The following WNT2B variants were observed in gnomAD, a reference collection of about 807,000 sequenced individuals.
WNT2B encodes protein Wnt-2b.
A neutral mutation model predicts 40.5 loss-of-function variants in WNT2B; 19 were observed. That is an observed-to-expected ratio of 0.47 (90% CI 0.33 to 0.69). WNT2B has a LOEUF of 0.69. Among genes scored for constraint, WNT2B ranks in the 30% least tolerant of loss-of-function variants. The pLI is 0.02. For missense variants in WNT2B, 467 were observed against 556.4 expected, an observed-to-expected ratio of 0.84 and a Z score of 1.62; for synonymous variants, 220 against 211.9, an observed-to-expected ratio of 1.04 and a Z score of -0.33.
At chr1:112,479,099 T>A (rs1651139240) in intron 1 of WNT2B, among the ~76,000 whole-genome samples, 2 of 151,934 alleles carry the variant, frequency 1.3e-5, no homozygotes, top group Admixed American at 1.3e-4. Flanking sequence ...TACATGCCTG[T>A]AATCCCAGCT....
At chr1:112,473,801 A>G (rs576324489) in intron 1 of WNT2B, among the ~76,000 whole-genome samples, 54 of 152,178 alleles carry the variant, frequency 3.5e-4, no homozygotes, top group African/African-American at 1.3e-3. Context: ...TCATGCCTGT[A>G]ATCCCAGCAC....
rs1313256176 is a variant in WNT2B at position 112,527,039 on chromosome 1, G to T, written c.*6530G>T. 6.6e-6 allele frequency: 1 copy of T among 152,218 alleles called. No homozygotes were observed. Among genetic ancestry groups the T allele is most frequent in the Non-Finnish European group, 1.5e-5 (1 of 68,060 alleles). The allele number at this position is 152,218 out of a possible 1,614,324, so 9.4% of individuals were successfully genotyped here. A position where few individuals can be genotyped will look rare whatever the true frequency, so the allele number is the denominator to read the frequency against. On this transcript the variant is annotated 3_prime_UTR_variant, in exon 5 of 5. Transcript: ENST00000369684. ...CACTTGCTGCTCTCAACCCCTCTTTGTTTTCCCATCCAAAATCTGGACCTC... is the reference window on the plus strand; with the variant it reads ...CACTTGCTGCTCTCAACCCCTCTTTTTTTTCCCATCCAAAATCTGGACCTC...
intron 1 of WNT2B, among the ~76,000 whole-genome samples, chr1:112,485,498 G>T (rs920827587): frequency 6.6e-6 from 1 of 150,762 alleles, no homozygotes; most frequent in Non-Finnish European, 1.5e-5. Context: ...TGAAGACTAC[G>T]TTTTATTGGA....
At chr1:112,488,440 T>A (rs1280161430) in intron 1 of WNT2B, among the ~76,000 whole-genome samples, 4 of 13,766 alleles carry the variant, frequency 2.9e-4, no homozygotes, top group Non-Finnish European at 1.3e-3. Flanking sequence ...AGATTGGCCT[T>A]CTTCCTTACC....
At chr1:112,501,050 T>A (rs541051956) in intron 1 of WNT2B, among the ~76,000 whole-genome samples, 2 of 152,322 alleles carry the variant, frequency 1.3e-5, no homozygotes, top group African/African-American at 4.8e-5. Flanking sequence ...ACTTGTCGTG[T>A]CTCCTTAGGC....
intron 1 of WNT2B, among the ~76,000 whole-genome samples, chr1:112,488,443 TCCTTACCTG>T (rs1293938978): frequency 6.6e-6 from 1 of 151,936 alleles, no homozygotes; most frequent in African/African-American, 2.4e-5. Context: ...TTGGCCTTCT[TCCTTACCTG>T]CCTTACCTGC....
chr1:112,479,797 G>T (rs139488818), intron 1 of WNT2B, among the ~76,000 whole-genome samples: 8,709 of 151,856 alleles, frequency 0.057, 291 homozygotes, highest in Middle Eastern at 0.075. Flanking sequence ...TGCAAGCTCT[G>T]CCTCCTGGGT....
At chr1:112,506,387 G>A (rs899320141), upstream of WNT2B, among the ~76,000 whole-genome samples, 1 of 152,200 alleles carries the variant, frequency 6.6e-6, no homozygotes, top group Non-Finnish European at 1.5e-5. Flanking sequence ...CCAAAGAAGG[G>A]GCCTCAGAAG....
chr1:112,502,729 AG>A lies in WNT2B; in HGVS notation c.-94-12140del, dbSNP rs563380837. On this transcript the variant is annotated intron_variant, in intron 1 of 4. Transcript: ENST00000256640. ...ATAACACAGGGGTTAGGAGAGGAGG[AG>A]GGGGTGGGTTCTGGGTTTTTCAGGA... 8.7e-4 allele frequency among the ~76,000 whole-genome samples: 133 copies of A among 152,004 alleles called. 1 individual carries two copies. Among genetic ancestry groups the A allele is most frequent in the Admixed American group, 7.5e-3 (114 of 15,272 alleles).
chr1:112,482,442 C>T (rs114089119), intron 1 of WNT2B, among the ~76,000 whole-genome samples: 225 of 152,302 alleles, frequency 1.5e-3, no homozygotes, highest in African/African-American at 5.1e-3. Context: ...CTCAAGCAAT[C>T]GTCCTGCCTC....
chr1:112,515,222 G>A lies in WNT2B; in HGVS notation c.403+128G>A. 4.4e-6 allele frequency: 5 copies of A among 1,146,880 alleles called. No individual in the cohort carries two copies. Among genetic ancestry groups the A allele is most frequent in the South Asian group, 2.9e-5 (2 of 68,292 alleles). 71.0% of individuals were successfully genotyped at this position (1,146,880 alleles called of 1,614,324 possible). ...TTTCATCATCAGAGAAAGAACTGTG[G>A]GCAGAGCCCAGGATATAATTGGGAA... is the stretch of plus-strand genomic sequence containing the variant. On this transcript the variant is annotated intron_variant, in intron 2 of 4. Coordinates refer to ENST00000369684, the MANE Select transcript of WNT2B (RefSeq NM_024494.3). This position sits in a 1 kb window ranked among gnomAD's most constrained non-coding sequence, Gnocchi z 4.4.
chr1:112,472,769 G>C (rs560220085), intron 1 of WNT2B, among the ~76,000 whole-genome samples: 3 of 151,802 alleles, frequency 2.0e-5, no homozygotes, highest in Admixed American at 2.0e-4. Context: ...ATTACTTCAG[G>C]GTGGGCAACA....
intron 4 of WNT2B, among the ~76,000 whole-genome samples, chr1:112,519,296 T>C (rs1349021464): frequency 1.3e-5 from 2 of 152,214 alleles, no homozygotes; most frequent in Non-Finnish European, 2.9e-5. Flanking sequence ...TATTTTAAAT[T>C]GATGAGATAA....
chr1:112,515,942 T>G lies in WNT2B; in HGVS notation c.404-198T>G, dbSNP rs964697738. 3.9e-5 allele frequency among the ~76,000 whole-genome samples: 6 copies of G among 151,948 alleles called. No individual in the cohort carries two copies. Among genetic ancestry groups the G allele is most frequent in the Non-Finnish European group, 8.8e-5 (6 of 67,982 alleles). On this transcript the variant is annotated intron_variant, in intron 2 of 4. Transcript: ENST00000369684. This position sits in a 1 kb window ranked among gnomAD's most constrained non-coding sequence, Gnocchi z 4.4. ...ATACAAAGAAGTGGATAGAGAGTAG[T>G]GAGGGCTGAGGGGAAGAGGTCAGAT...
rs1274210896 is a variant in WNT2B, at chr1:112,484,298, C to CACAT, written c.-95+16708_-95+16709insCATA. On this transcript the variant is annotated intron_variant, in intron 1 of 4. Transcript: ENST00000256640. Reference sequence around the variant, plus strand: ...ATATATATATATATATATACACACACATATATATAGAGAGAGAGAGAGAGA... The same window carrying CACAT: ...ATATATATATATATATATACACACACACATATATATATAGAGAGAGAGAGAGAGA... Among the ~76,000 whole-genome samples, 1,120 of 116,228 alleles carry CACAT rather than the reference C, an allele frequency of 9.6e-3. 19 individuals are homozygous for CACAT. Among genetic ancestry groups the CACAT allele is most frequent in the African/African-American group, 0.042 (1,063 of 25,110 alleles). 76.3% of individuals were successfully genotyped at this position (116,228 alleles called of 152,430 possible).
At chr1:112,469,379 G>A (rs1650802403) in intron 1 of WNT2B, among the ~76,000 whole-genome samples, 1 of 152,094 alleles carries the variant, frequency 6.6e-6, no homozygotes, top group Non-Finnish European at 1.5e-5. Context: ...AATGACATTG[G>A]TATTTTGATG....
chr1:112,509,665 T>A lies in WNT2B; in HGVS notation c.182+221T>A, dbSNP rs1419159040. On this transcript the variant is annotated intron_variant, in intron 1 of 4. Coordinates refer to ENST00000369684, the MANE Select transcript of WNT2B (RefSeq NM_024494.3). The surrounding 1 kb of genome is among the most constrained non-coding windows in gnomAD (Gnocchi z 4.2). Reference sequence around the variant, plus strand: ...AGGCGCTGGGCATTCGGAGCAAGGATGCCCGGTGGTCGCGGCTCCTTAGGC... The same window carrying A: ...AGGCGCTGGGCATTCGGAGCAAGGAAGCCCGGTGGTCGCGGCTCCTTAGGC... Among the ~76,000 whole-genome samples the A allele has an allele frequency of 6.6e-6, 1 of 152,218 alleles. No individual in the cohort carries two copies. Among genetic ancestry groups the A allele is most frequent in the East Asian group, 1.9e-4 (1 of 5,196 alleles).
intron 1 of WNT2B, among the ~76,000 whole-genome samples, chr1:112,510,964 A>T (rs1652329707): frequency 6.6e-6 from 1 of 152,168 alleles, no homozygotes; most frequent in African/African-American, 2.4e-5. Context: ...GCCCATCTTT[A>T]TCTGGCTCAG....
chr1:112,473,634 T>C (rs942904418), intron 1 of WNT2B, among the ~76,000 whole-genome samples: 2 of 151,544 alleles, frequency 1.3e-5, no homozygotes, highest in East Asian at 1.9e-4. Flanking sequence ...TTAATCGGCA[T>C]CCCCAAAGAA....
Sources: allele counts gnomAD v4.1 joint callset (sites outside exome capture counted in the v4.1 genomes callset), GRCh38; gene constraint gnomAD v4.1.1; non-coding constraint Gnocchi (gnomAD v3.1); transcripts MANE v1.5; gene names NCBI Gene and HGNC (gene_info 2026-07-23, HGNC 2026-07-21).